DOCK9: variants seen among roughly 807,000 people sequenced by gnomAD.
DOCK9 encodes dedicator of cytokinesis 9.
In DOCK9, 89 loss-of-function variants were observed where a neutral mutation model predicts 263.3. The observed-to-expected ratio is 0.34, with a 90% confidence interval of 0.28 to 0.40. The LOEUF is 0.40. Among genes scored for constraint, DOCK9 ranks in the 10% least tolerant of loss-of-function variants. The pLI, the probability that DOCK9 is intolerant of heterozygous loss-of-function variation, is 1.00. For synonymous variants in DOCK9, 976 were observed against 973.1 expected (o/e 1.00, Z -0.06); for missense variants, 2,140 against 2,603.4 (o/e 0.82, Z 3.87).
At chr13:98,868,442 A>G in intron 27 of DOCK9, 65 bp from the exon 28 acceptor site, 1 of 1,501,152 alleles carries the variant, frequency 6.7e-7, no homozygotes, top group Non-Finnish European at 9.0e-7. Flanking sequence ...AGGAAAAAAT[A>G]TCTCATCCCT....
At chr13:98,901,638 G>A (rs2048292317) in intron 13 of DOCK9, 140 bp downstream of exon 13, 1 of 994,920 alleles carries the variant, frequency 1.0e-6, no homozygotes, top group Admixed American at 3.0e-5. Context: ...AAAGTTCAGA[G>A]TAAATACAGG....
intron 10 of DOCK9, 73 bp from the exon 11 acceptor site, chr13:98,903,185 G>T: frequency 8.4e-7 from 1 of 1,191,600 alleles, no homozygotes; most frequent in Non-Finnish European, 1.1e-6. Flanking sequence ...TGCATCCAAA[G>T]GAAACGGAAT....
At chr13:98,796,055 G>A in intron 52 of DOCK9, 1 of 586,790 alleles carries the variant, frequency 1.7e-6, no homozygotes, top group Non-Finnish European at 3.1e-6. Flanking sequence ...CACCATGTCT[G>A]GCCTCTACTT....
At chr13:98,806,866 G>A (rs1387655722) in intron 48 of DOCK9, among the ~76,000 whole-genome samples, 6 of 150,108 alleles carry the variant, frequency 4.0e-5, no homozygotes, top group Non-Finnish European at 5.9e-5. Flanking sequence ...CTGAGATAGC[G>A]CCACTGCACT....
intron 49 of DOCK9, among the ~76,000 whole-genome samples, chr13:98,801,155 G>T (rs1238944605): frequency 2.0e-5 from 3 of 152,094 alleles, no homozygotes; most frequent in Non-Finnish European, 1.5e-5. Context: ...TGAGTGTGGT[G>T]GTATATGCCT....
At chr13:98,931,385 G>C (rs138377824) in intron 2 of DOCK9, among the ~76,000 whole-genome samples, 2 of 151,748 alleles carry the variant, frequency 1.3e-5, no homozygotes, top group Non-Finnish European at 2.9e-5. Context: ...TGCCAGCTCC[G>C]CCTCCCGGGT....
chr13:98,940,519 C>A (rs541215700), intron 2 of DOCK9, among the ~76,000 whole-genome samples: 126 of 152,208 alleles, frequency 8.3e-4, no homozygotes, highest in African/African-American at 3.0e-3. Flanking sequence ...CCACCGTGGC[C>A]CCCCAAAGTG....
rs1326928394 is a variant in DOCK9, at chr13:98,856,026, G to A, written c.3703C>T (p.Pro1235Ser). 6.2e-7 allele frequency: 1 copy of A among 1,613,550 alleles called. No individual in the cohort carries two copies. The highest frequency in any genetic ancestry group is 8.5e-7 in the Non-Finnish European group (1 of 1,179,758). Residue 1235 changes from proline (P) to serine (S), a missense_variant, in exon 34 of 53, where the codon CCA (proline) becomes TCA (serine). This residue lies in a region of DOCK9 where 1,521 missense variants were observed against 1,741.7 expected (regional missense o/e 0.87). Coordinates refer to ENST00000682017, the MANE Select transcript of DOCK9 (RefSeq NM_001366683.2). ...LLGAISGIASPYTTSTPNINS... is the reference protein window; with the variant it reads ...LLGAISGIASSYTTSTPNINS... ...ATGTTTGGAGTTGAGGTTGTATATG[G>A]AGAAGCTAAATGGAAATCAAGCCAA...
At chr13:98,976,272 G>C (rs2060271108) in intron 1 of DOCK9, among the ~76,000 whole-genome samples, 1 of 152,118 alleles carries the variant, frequency 6.6e-6, no homozygotes, top group Non-Finnish European at 1.5e-5. Context: ...CATTGCAGTG[G>C]AAAAAGACCC....
At chr13:98,821,770 T>G (rs1306311164) in intron 45 of DOCK9, among the ~76,000 whole-genome samples, 1 of 152,224 alleles carries the variant, frequency 6.6e-6, no homozygotes, top group Non-Finnish European at 1.5e-5. Flanking sequence ...TAAAAACTCA[T>G]CTGAGACCTG....
rs2093915451 is a variant in DOCK9 at position 98,862,896 on chromosome 13, T to C, written c.3579+123A>G. The C allele has an allele frequency of 3.5e-5, 28 of 795,354 alleles. No individual in the cohort carries two copies. The South Asian group carries it at 4.9e-4, about 14-fold the overall frequency. The allele number at this position is 795,354 out of a possible 1,614,324, so 49.3% of individuals were successfully genotyped here. ...CCCCACTGACACCTTGATTTTGGAC[T>C]TCTGGACTCCTGACTGGGAGAGAAT... On this transcript the variant is annotated intron_variant, in intron 32 of 52. Coordinates refer to ENST00000682017, the MANE Select transcript of DOCK9 (RefSeq NM_001366683.2).
intron 1 of DOCK9, among the ~76,000 whole-genome samples, chr13:99,025,021 A>G (rs1426758826): frequency 6.6e-6 from 1 of 152,188 alleles, no homozygotes; most frequent in African/African-American, 2.4e-5. Context: ...AAAATTCTGA[A>G]CCTTCACAAG....
chr13:99,048,360 C>G (rs1315016164), intron 1 of DOCK9, among the ~76,000 whole-genome samples: 1 of 152,180 alleles, frequency 6.6e-6, no homozygotes, highest in African/African-American at 2.4e-5. Flanking sequence ...TGCTACTGCT[C>G]ATCTTCTCAT....
chr13:99,046,307 C>T (rs2040429952), intron 1 of DOCK9, among the ~76,000 whole-genome samples: 2 of 152,224 alleles, frequency 1.3e-5, no homozygotes, highest in Non-Finnish European at 1.5e-5. Flanking sequence ...TGGAATGATG[C>T]CCTCCTGCTT....
chr13:98,897,654 C>A (rs1457217015), intron 14 of DOCK9, 44 bp from the exon 15 acceptor site: 2 of 1,603,260 alleles, frequency 1.2e-6, no homozygotes, highest in African/African-American at 1.3e-5. Context: ...TTCCAAAACA[C>A]CAAAATCAAT....
intron 9 of DOCK9, among the ~76,000 whole-genome samples, chr13:98,910,367 T>A (rs978296594): frequency 2.6e-5 from 4 of 152,210 alleles, no homozygotes; most frequent in Middle Eastern, 3.4e-3. Context: ...TAATAGACAA[T>A]AGGAGGAAAA....
chr13:98,903,485 T>C (rs1365921723), intron 10 of DOCK9, among the ~76,000 whole-genome samples: 1 of 151,174 alleles, frequency 6.6e-6, no homozygotes, highest in Non-Finnish European at 1.5e-5. Flanking sequence ...TCCCAGCTAC[T>C]CGGGAGGCTG....
chr13:98,936,623 CAAAAAAA>C (rs1189746396), intron 2 of DOCK9, among the ~76,000 whole-genome samples: 6 of 47,522 alleles, frequency 1.3e-4, no homozygotes, highest in Admixed American at 6.5e-4. Flanking sequence ...CTGTCTCAAA[CAAAAAAA>C]AAAAAAAGAA....
chr13:98,872,595 T>C (rs1338013604), intron 27 of DOCK9, among the ~76,000 whole-genome samples: 1 of 152,110 alleles, frequency 6.6e-6, no homozygotes, highest in African/African-American at 2.4e-5. Context: ...TTTGCAGAGA[T>C]GACGTCTCAC....
Sources: allele counts gnomAD v4.1 joint callset (sites outside exome capture counted in the v4.1 genomes callset), GRCh38; gene constraint gnomAD v4.1.1; regional missense constraint gnomAD v4.1.1; transcripts MANE v1.5; gene names NCBI Gene and HGNC (gene_info 2026-07-23, HGNC 2026-07-21).